Variants in ZNF385D observed in about 807,000 individuals in gnomAD.
The protein encoded by ZNF385D is zinc finger protein 385D, also known as zinc finger protein 659.
In ZNF385D, 15 loss-of-function variants were observed where a neutral mutation model predicts 35.8. The observed-to-expected ratio is 0.42, with a 90% CI of 0.28 to 0.64. The LOEUF is 0.64. Among genes scored for constraint, ZNF385D ranks in the 30% least tolerant of loss-of-function variants. The pLI is 0.23. For synonymous variants in ZNF385D, 212 were observed against 186.8 expected, an observed-to-expected ratio of 1.13 and a Z score of -1.10; for missense variants, 474 against 494.6, an observed-to-expected ratio of 0.96 and a Z score of 0.39.
intron 2 of ZNF385D, among the ~76,000 whole-genome samples, chr3:22,266,552 G>A (rs76930024): frequency 0.021 from 3,206 of 151,904 alleles, 66 homozygotes; most frequent in South Asian, 0.1. Flanking sequence ...AGAAGCATGA[G>A]AAAGCACAAT....
At chr3:21,586,658 T>G (rs2063819561) in intron 2 of ZNF385D, among the ~76,000 whole-genome samples, 1 of 152,190 alleles carries the variant, frequency 6.6e-6, no homozygotes, top group South Asian at 2.1e-4. Context: ...ATTCAGTCAG[T>G]GCTGACAAGC....
chr3:22,037,267 G>C (rs1404289198), intron 3 of ZNF385D, among the ~76,000 whole-genome samples: 1 of 135,220 alleles, frequency 7.4e-6, no homozygotes, highest in Non-Finnish European at 1.7e-5. Context: ...TCTAGTTCTA[G>C]ATCCCTGAGG....
intron 3 of ZNF385D, among the ~76,000 whole-genome samples, chr3:21,992,298 C>T (rs1695196252): frequency 6.6e-6 from 1 of 151,998 alleles, no homozygotes; most frequent in African/African-American, 2.4e-5. Context: ...AAAGCCTTCA[C>T]TATTTGTTCT....
intron 3 of ZNF385D, among the ~76,000 whole-genome samples, chr3:22,159,246 G>A (rs1677078189): frequency 6.6e-6 from 1 of 152,032 alleles, no homozygotes; most frequent in South Asian, 2.1e-4. Flanking sequence ...TACATGCAGA[G>A]AAGCACAAAT....
chr3:21,751,340 T>A (rs1261819822), upstream of ZNF385D: 5 of 1,048,062 alleles, frequency 4.8e-6, no homozygotes, highest in South Asian at 1.3e-4. Context: ...GCCCAGAGAC[T>A]TGGGAAGGGG....
chr3:22,165,537 G>A (rs186539766), intron 3 of ZNF385D, among the ~76,000 whole-genome samples: 3 of 152,268 alleles, frequency 2.0e-5, no homozygotes. Flanking sequence ...AATACCTACT[G>A]ATGGCAGTTG....
chr3:21,743,583 G>T lies in ZNF385D; in HGVS notation c.22+7312C>A, dbSNP rs146912164. On this transcript the variant is annotated intron_variant, in intron 1 of 7. Coordinates refer to ENST00000281523, the MANE Select transcript of ZNF385D (RefSeq NM_024697.3). ...CCTGGCTTGCAGCAGTTACGTTCTT[G>T]CTACAGCCTCAAATGGTGGAAAGAG... is the stretch of plus-strand genomic sequence containing the variant. Among the ~76,000 whole-genome samples, 1,227 of 152,314 alleles carry T rather than the reference G, an allele frequency of 8.1e-3. 16 individuals carry two copies. Among genetic ancestry groups the T allele is most frequent in the African/African-American group, 0.029 (1,191 of 41,568 alleles).
At chr3:21,992,071 G>T (rs918765522) in intron 3 of ZNF385D, among the ~76,000 whole-genome samples, 4 of 152,140 alleles carry the variant, frequency 2.6e-5, no homozygotes, top group African/African-American at 9.7e-5. Flanking sequence ...GTTGCTGTGA[G>T]AATTAAATGA....
At chr3:21,771,468 T>C (rs1379259377) in intron 3 of ZNF385D, among the ~76,000 whole-genome samples, 2 of 151,742 alleles carry the variant, frequency 1.3e-5, no homozygotes, top group African/African-American at 4.8e-5. Flanking sequence ...GGAATAGAAA[T>C]GTATGGAACA....
In ZNF385D at chr3:22,205,961, G is replaced by A. The variant is rs574560535; in HGVS notation, c.107-36926C>T. Among the ~76,000 whole-genome samples, 5 of 151,844 alleles carry A rather than the reference G, an allele frequency of 3.3e-5. No homozygotes were observed. In the South Asian group the frequency reaches 1.0e-3, roughly 31 times the overall value. The stretch of plus-strand genomic sequence containing the variant: ...AAACTTCCCCATCAAAAGACATAGA[G>A]TGGCTGATTGTATTCAAAAAGACCC... On this transcript the variant is annotated intron_variant, in intron 2 of 5. Transcript: ENST00000494108.
chr3:22,045,014 G>C (rs1046190390), intron 3 of ZNF385D, among the ~76,000 whole-genome samples: 1 of 151,858 alleles, frequency 6.6e-6, no homozygotes, highest in African/African-American at 2.4e-5. Context: ...ACTCAATCTC[G>C]AAAAAACAAA....
intron 3 of ZNF385D, among the ~76,000 whole-genome samples, chr3:21,884,237 C>A (rs190485413): frequency 3.9e-5 from 6 of 152,054 alleles, no homozygotes; most frequent in African/African-American, 1.4e-4. Context: ...TCCTTTTCAA[C>A]CCAGAATGTT....
intron 3 of ZNF385D, among the ~76,000 whole-genome samples, chr3:22,147,578 T>C (rs531875488): frequency 8.7e-4 from 132 of 152,164 alleles, no homozygotes; most frequent in Non-Finnish European, 1.7e-3. Flanking sequence ...TTAATGGTAA[T>C]ATCATATGCT....
At chr3:21,421,610 T>G (rs1425291906) in intron 7 of ZNF385D, among the ~76,000 whole-genome samples, 163 bp from the exon 8 acceptor site, 2 of 152,172 alleles carry the variant, frequency 1.3e-5, no homozygotes, top group African/African-American at 4.8e-5. Context: ...TATAGAACAT[T>G]TTCCCTTTGG....
At chr3:22,312,358 T>C (rs1227817702) in intron 2 of ZNF385D, among the ~76,000 whole-genome samples, 2 of 152,080 alleles carry the variant, frequency 1.3e-5, no homozygotes, top group African/African-American at 2.4e-5. Context: ...CAAAACTGTG[T>C]TCAAAATACT....
At position 22,104,296 on chromosome 3, in the gene ZNF385D, TGA is replaced by T. The variant is rs200603372; in HGVS notation, c.325+64519_325+64520del. 3.0e-3 allele frequency among the ~76,000 whole-genome samples: 461 copies of T among 152,186 alleles called. 4 individuals are homozygous for T. Among genetic ancestry groups the T allele is most frequent in the African/African-American group, 0.01 (435 of 41,538 alleles). On this transcript the variant is annotated intron_variant, in intron 3 of 5. Coordinates refer to the ZNF385D transcript ENST00000494108. ...TCCTTTCACATTCACTAAAATTCAC[TGA>T]GTGTGTCTCCTGCTACCAAAGGCTC...
chr3:21,803,610 T>G (rs1208628382), intron 3 of ZNF385D, among the ~76,000 whole-genome samples: 3 of 152,198 alleles, frequency 2.0e-5, no homozygotes, highest in African/African-American at 4.8e-5. Flanking sequence ...ATATCCATAT[T>G]TGTAATAGGA....
intron 3 of ZNF385D, among the ~76,000 whole-genome samples, chr3:21,879,040 G>T (rs998931133): frequency 6.6e-6 from 1 of 151,974 alleles, no homozygotes; most frequent in African/African-American, 2.4e-5. Flanking sequence ...GAAAAAATAT[G>T]TGCCTTTGTT....
intron 5 of ZNF385D, 83 bp from the exon 6 acceptor site, chr3:21,425,753 A>C (rs186892): frequency 0.14 from 187,992 of 1,336,664 alleles, 13,851 homozygotes; most frequent in Admixed American, 0.16. Flanking sequence ...GAGGAAAAAA[A>C]TCTTAGCTAG....
Sources: gnomAD v4.1 joint callset for allele counts (sites outside exome capture counted in the v4.1 genomes callset) on GRCh38, gnomAD v4.1.1 for gene constraint, MANE v1.5 for transcripts, NCBI Gene and HGNC (gene_info 2026-07-23, HGNC 2026-07-21) for gene names.